Variants in CHMP7 observed in about 807,000 individuals in gnomAD.
CHMP7 encodes the protein CHMP family, member 7.
In CHMP7, 15 loss-of-function variants were observed where a neutral mutation model predicts 53.7. The ratio of observed to expected loss-of-function variants is 0.28; its 90% CI spans 0.19 to 0.43. The LOEUF is 0.43. Ranked by LOEUF, CHMP7 falls within the 20% of genes least tolerant of loss-of-function variation. The pLI is 1.00. For synonymous variants in CHMP7, 261 were observed against 228.0 expected, an observed-to-expected ratio of 1.14 and a Z score of -1.30; for missense variants, 527 against 569.4, an observed-to-expected ratio of 0.93 and a Z score of 0.76.
At chr8:23,257,484 ATT>A (rs1802182424) in intron 5 of CHMP7, among the ~76,000 whole-genome samples, 1 of 152,292 alleles carries the variant, frequency 6.6e-6, no homozygotes, top group East Asian at 1.9e-4. Flanking sequence ...TTCAACTAAT[ATT>A]TATTGAGCCA....
At position 23,261,457 on chromosome 8, in the gene CHMP7, C is replaced by T. The variant is rs1423834413; in HGVS notation, c.*858C>T. On this transcript the variant is annotated 3_prime_UTR_variant, in exon 11 of 11. Coordinates refer to ENST00000397677, the MANE Select transcript of CHMP7 (RefSeq NM_152272.5). ...CATATCTATCTTCCAGAACAAGCCA[C>T]ACAACAACACACCTCCCCTCCTTGA... 2 of 152,758 alleles carry T rather than the reference C, an allele frequency of 1.3e-5. No homozygotes were observed. The highest frequency in any genetic ancestry group is 1.9e-4 in the East Asian group (1 of 5,204). The allele number at this position is 152,758 out of a possible 1,614,324, so 9.5% of individuals were successfully genotyped here. A position where few individuals can be genotyped will look rare whatever the true frequency, so the allele number is the denominator to read the frequency against.
At chr8:23,255,925 C>T (rs1802107798) in intron 4 of CHMP7, among the ~76,000 whole-genome samples, 1 of 152,094 alleles carries the variant, frequency 6.6e-6, no homozygotes, top group South Asian at 2.1e-4. Flanking sequence ...CGGCCCCTGG[C>T]TAATTTTTGT....
At chr8:23,258,612 G>A (rs1054349252) in intron 7 of CHMP7, 120 bp from the exon 8 acceptor site, 1 of 1,204,298 alleles carries the variant, frequency 8.3e-7, no homozygotes, top group Non-Finnish European at 1.2e-6. Flanking sequence ...TGGGTATAGG[G>A]TAAATTGAGC....
intron 2 of CHMP7, chr8:23,247,990 C>T (rs1208837902): frequency 1.6e-5 from 7 of 442,502 alleles, no homozygotes; most frequent in African/African-American, 1.0e-4. Flanking sequence ...TTCCCAGTAC[C>T]TTCCCATTGG....
intron 2 of CHMP7, 46 bp from the exon 3 acceptor site, chr8:23,249,164 C>G (rs763518139): frequency 1.4e-6 from 2 of 1,477,576 alleles, no homozygotes; most frequent in Non-Finnish European, 1.8e-6. Context: ...TGGAATGGGA[C>G]ATTGCATTAA....
intron 5 of CHMP7, 45 bp downstream of exon 5, chr8:23,256,638 CCCCCAGAGCCAG>C: frequency 6.4e-7 from 1 of 1,571,030 alleles, no homozygotes. Flanking sequence ...CTGTTGCTGG[CCCCCAGAGCCAG>C]CAAAATGTTA....
chr8:23,246,682 G>T lies in CHMP7; in HGVS notation c.-14G>T, dbSNP rs2294123. ...CAGGCTTGTGTTCGCAGCCTTGCCG[G>T]GGCTGGGGTTCCGATGTGGTCCCCG... On this transcript the variant is annotated 5_prime_UTR_variant, in exon 2 of 11. Coordinates refer to ENST00000397677, the MANE Select transcript of CHMP7 (RefSeq NM_152272.5). 603,888 of 1,543,476 alleles carry T rather than the reference G, an allele frequency of 0.39. 121,796 individuals are homozygous for T. The highest frequency in any genetic ancestry group is 0.5 in the South Asian group (41,954 of 83,776).
chr8:23,257,933 T>C (rs1585315759), intron 5 of CHMP7, 100 bp from the exon 6 acceptor site: 2 of 800,106 alleles, frequency 2.5e-6, no homozygotes, highest in East Asian at 4.9e-5. Context: ...AGTCTTCAGA[T>C]TTAAAACCAC....
At chr8:23,258,886 T>C (rs1802250429) in intron 8 of CHMP7, 56 bp downstream of exon 8, 2 of 1,257,102 alleles carry the variant, frequency 1.6e-6, no homozygotes, top group East Asian at 2.3e-5. Flanking sequence ...GAGGACAGAT[T>C]TGACTTCATT....
intron 5 of CHMP7, 194 bp downstream of exon 5, chr8:23,256,787 C>CT (rs1802146400): frequency 2.1e-5 from 5 of 238,390 alleles, no homozygotes; most frequent in Non-Finnish European, 3.1e-5. Flanking sequence ...AAAATGAGGC[C>CT]TCTTTTTTTT....
In CHMP7 at chr8:23,254,840, T is replaced by G. The variant is rs1202355448; in HGVS notation, c.472-407T>G. 4 of 296,812 alleles carry G rather than the reference T, an allele frequency of 1.3e-5. No homozygotes were observed. The East Asian group carries it at 2.4e-4, about 17-fold the overall frequency. 18.4% of individuals were successfully genotyped at this position (296,812 alleles called of 1,614,324 possible). ...ATCCACCCTCTTCAGAGAGTGATACTGAGGACTAGTGAGGCTGTGACTGGC... is the reference window on the plus strand; with the variant it reads ...ATCCACCCTCTTCAGAGAGTGATACGGAGGACTAGTGAGGCTGTGACTGGC... On this transcript the variant is annotated intron_variant, in intron 3 of 10. Coordinates refer to ENST00000397677, the MANE Select transcript of CHMP7 (RefSeq NM_152272.5).
intron 9 of CHMP7, 140 bp from the exon 10 acceptor site, chr8:23,260,004 C>T (rs1023736604): frequency 3.1e-6 from 2 of 646,208 alleles, no homozygotes; most frequent in African/African-American, 3.7e-5. Context: ...ACCCTCCTGA[C>T]TTCCGGGATT....
intron 3 of CHMP7, chr8:23,254,969 G>C: frequency 4.2e-6 from 2 of 475,362 alleles, no homozygotes; most frequent in South Asian, 4.2e-5. Context: ...CCACAGGCCA[G>C]TGAGAGGCAG....
intron 3 of CHMP7, among the ~76,000 whole-genome samples, chr8:23,252,195 C>CTTTTT (rs373288680): frequency 1.2e-4 from 13 of 105,298 alleles, no homozygotes; most frequent in South Asian, 7.1e-4. Flanking sequence ...ATTGTGTTAT[C>CTTTTT]TTTTTTTTTT....
intron 4 of CHMP7, 58 bp downstream of exon 4, chr8:23,255,490 G>A: frequency 6.6e-7 from 1 of 1,525,788 alleles, no homozygotes; most frequent in Non-Finnish European, 9.1e-7. Flanking sequence ...AGTACATAGA[G>A]TAGTGAGCCC....
intron 3 of CHMP7, among the ~76,000 whole-genome samples, chr8:23,250,570 G>A (rs191816821): frequency 2.6e-5 from 4 of 151,098 alleles, no homozygotes; most frequent in Non-Finnish European, 5.9e-5. Flanking sequence ...GTGCAGACCT[G>A]CTTCAACCAC....
Position 23,249,003 on chromosome 8 carries a change from C to A in CHMP7, c.300-207C>A, listed in dbSNP as rs555042338. Among the ~76,000 whole-genome samples, 10 of 152,192 alleles carry A rather than the reference C, an allele frequency of 6.6e-5. No homozygotes were observed. In the East Asian group the frequency reaches 1.9e-3, roughly 29 times the overall value. On this transcript the variant is annotated intron_variant, in intron 2 of 10. Coordinates refer to ENST00000397677, the MANE Select transcript of CHMP7 (RefSeq NM_152272.5). ...CAGTTTTCTCATTCGTTAAAATGCT[C>A]ATAATACCGCCTCCCATGCAGAAGT...
rs1458668474 is a variant in CHMP7 at position 23,258,361 on chromosome 8, C to G, written c.872C>G (p.Thr291Arg). Residue 291 changes from threonine (T) to arginine (R), a missense_variant, in exon 7 of 11, where the codon ACA becomes AGA. Physicochemically the swap from Thr to Arg is moderately conservative, Grantham distance 71. Transcript: ENST00000397677. ...ALRSLKAKQR[T>R]EKRIEALHAK... Reference sequence around the variant, plus strand: ...AGGTCTCTCAAGGCCAAGCAACGGACAGAGAAGCGCATCGAGGCCTTGCAT... The same window carrying G: ...AGGTCTCTCAAGGCCAAGCAACGGAGAGAGAAGCGCATCGAGGCCTTGCAT... 1 of 1,614,072 alleles carries G rather than the reference C, an allele frequency of 6.2e-7. No individual in the cohort carries two copies. Among genetic ancestry groups the G allele is most frequent in the Non-Finnish European group, 8.5e-7 (1 of 1,180,042 alleles).
intron 3 of CHMP7, among the ~76,000 whole-genome samples, chr8:23,253,703 C>T (rs185214359): frequency 6.6e-6 from 1 of 152,356 alleles, no homozygotes; most frequent in Admixed American, 6.5e-5. Context: ...ACCAGTCACT[C>T]AATCCATAGT....
Sources: allele counts gnomAD v4.1 joint callset (sites outside exome capture counted in the v4.1 genomes callset), GRCh38; gene constraint gnomAD v4.1.1; transcripts MANE v1.5; gene names NCBI Gene and HGNC (gene_info 2026-07-23, HGNC 2026-07-21).